PAK5: variants seen among roughly 807,000 people sequenced by gnomAD.
The protein encoded by PAK5 is serine/threonine-protein kinase PAK 5.
In PAK5, 16 loss-of-function variants were observed where a neutral mutation model predicts 65.9. The observed-to-expected ratio is 0.24, with a 90% CI of 0.16 to 0.37. PAK5 has a LOEUF of 0.37. PAK5 is among the 10% of genes least tolerant of loss of function. The pLI is 1.00. For synonymous variants in PAK5, 371 were observed against 354.9 expected (o/e 1.05, Z -0.51); for missense variants, 785 against 903.9 (o/e 0.87, Z 1.69).
chr20:9,571,885 G>T (rs1388542814), intron 4 of PAK5, among the ~76,000 whole-genome samples: 3 of 120,910 alleles, frequency 2.5e-5, no homozygotes, highest in African/African-American at 9.2e-5. Flanking sequence ...GGGGGGGGGG[G>T]ATGTGGTCTT....
chr20:9,595,098 C>CATAT (rs200491425), intron 3 of PAK5, among the ~76,000 whole-genome samples: 1 of 150,340 alleles, frequency 6.7e-6, no homozygotes, highest in African/African-American at 2.5e-5. Context: ...TACACATATA[C>CATAT]ATATATATAC....
At chr20:9,571,497 C>CG (rs1232712678) in intron 4 of PAK5, among the ~76,000 whole-genome samples, 44 of 152,322 alleles carry the variant, frequency 2.9e-4, no homozygotes, top group African/African-American at 9.4e-4. Flanking sequence ...GTTCTTCTGC[C>CG]GGGGTCAGTC....
intron 2 of PAK5, among the ~76,000 whole-genome samples, chr20:9,706,465 C>T (rs749732405): frequency 1.9e-4 from 27 of 138,560 alleles, no homozygotes; most frequent in Non-Finnish European, 2.3e-4. Context: ...ACACATTCTA[C>T]AAACTCTTTT....
At chr20:9,596,361 G>A (rs1212385047) in intron 3 of PAK5, among the ~76,000 whole-genome samples, 1 of 152,136 alleles carries the variant, frequency 6.6e-6, no homozygotes, top group Non-Finnish European at 1.5e-5. Context: ...CAGAGGCCAG[G>A]CACGGAGGCT....
At chr20:9,719,562 T>C (rs543623436) in intron 1 of PAK5, among the ~76,000 whole-genome samples, 10 of 152,270 alleles carry the variant, frequency 6.6e-5, no homozygotes, top group African/African-American at 2.2e-4. Flanking sequence ...ATTTATAATG[T>C]GTTGGCTTTT....
At chr20:9,709,278 T>C (rs2048048555) in intron 2 of PAK5, among the ~76,000 whole-genome samples, 1 of 152,288 alleles carries the variant, frequency 6.6e-6, no homozygotes, top group East Asian at 1.9e-4. Flanking sequence ...AAGGGTTAAC[T>C]TGTGCACTGG....
chr20:9,711,604 CA>C (rs954489700), intron 1 of PAK5, among the ~76,000 whole-genome samples, 169 bp from the exon 2 acceptor site: 2 of 152,080 alleles, frequency 1.3e-5, no homozygotes, highest in Non-Finnish European at 2.9e-5. Flanking sequence ...ATATTATTAC[CA>C]GGACACCTCA....
chr20:9,728,450 G>C (rs1302583024), intron 1 of PAK5, among the ~76,000 whole-genome samples: 1 of 152,134 alleles, frequency 6.6e-6, no homozygotes, highest in African/African-American at 2.4e-5. Context: ...ACTAACCCAT[G>C]CATGTGCACA....
intron 1 of PAK5, among the ~76,000 whole-genome samples, chr20:9,776,343 G>C (rs1476678623): frequency 6.6e-6 from 1 of 152,156 alleles, no homozygotes; most frequent in Non-Finnish European, 1.5e-5. Flanking sequence ...GTTTATCAAA[G>C]TGCCTGCTGT....
chr20:9,599,821 A>C (rs1436588834), intron 3 of PAK5, among the ~76,000 whole-genome samples: 1 of 152,134 alleles, frequency 6.6e-6, no homozygotes, highest in Admixed American at 6.5e-5. Flanking sequence ...CTCTCTTAAC[A>C]GTGTAATTCA....
intron 1 of PAK5, among the ~76,000 whole-genome samples, chr20:9,777,150 C>T (rs1364829107): frequency 6.6e-6 from 1 of 152,100 alleles, no homozygotes; most frequent in Non-Finnish European, 1.5e-5. Context: ...ATTGCTTGAG[C>T]TCAGGAGTTC....
At chr20:9,752,359 A>G (rs1325231164) in intron 1 of PAK5, among the ~76,000 whole-genome samples, 1 of 152,116 alleles carries the variant, frequency 6.6e-6, no homozygotes, top group African/African-American at 2.4e-5. Flanking sequence ...TCTAAGAGCA[A>G]GAGGAAAAAA....
intron 1 of PAK5, among the ~76,000 whole-genome samples, chr20:9,804,164 C>T (rs766376466): frequency 2.6e-5 from 4 of 152,094 alleles, no homozygotes; most frequent in African/African-American, 4.8e-5. Flanking sequence ...TTTTAACAAG[C>T]GCTCTAGTGA....
rs1447883767 is a variant in PAK5 at position 9,558,038 on chromosome 20, T to TCA, written c.1617-305_1617-304insTG. Reference sequence around the variant, plus strand: ...TTTATTTATTTATTTATTTATTTATTTATTTATTCATTCATTCATTCATTC... The same window carrying TCA: ...TTTATTTATTTATTTATTTATTTATTCATATTTATTCATTCATTCATTCATTC... On this transcript the variant is annotated intron_variant, in intron 6 of 9. Coordinates refer to ENST00000353224, the MANE Select transcript of PAK5 (RefSeq NM_177990.4). Among the ~76,000 whole-genome samples, 227 of 146,100 alleles carry TCA rather than the reference T, an allele frequency of 1.6e-3. 1 individual carries two copies. The highest frequency in any genetic ancestry group is 5.6e-3 in the African/African-American group (209 of 37,556).
At chr20:9,668,421 T>C (rs1048217766) in intron 2 of PAK5, among the ~76,000 whole-genome samples, 2 of 152,210 alleles carry the variant, frequency 1.3e-5, no homozygotes, top group African/African-American at 4.8e-5. Context: ...AAAAATATAA[T>C]GTTATGTTTA....
intron 3 of PAK5, among the ~76,000 whole-genome samples, chr20:9,625,563 A>T (rs986153092): frequency 1.1e-4 from 16 of 151,980 alleles, no homozygotes; most frequent in Admixed American, 1.0e-3. Context: ...TTGTCTTCAT[A>T]TTTTTTTCTT....
intron 3 of PAK5, among the ~76,000 whole-genome samples, chr20:9,641,213 C>T (rs1600184147): frequency 2.6e-5 from 4 of 151,988 alleles, no homozygotes; most frequent in Admixed American, 2.6e-4. Context: ...TCGATTGGTG[C>T]ACCCACAAAC....
intron 2 of PAK5, among the ~76,000 whole-genome samples, chr20:9,646,767 T>C (rs1310223945): frequency 1.3e-5 from 2 of 152,216 alleles, no homozygotes; most frequent in African/African-American, 4.8e-5. Flanking sequence ...GCCCTCTTGC[T>C]GTCCTTAGAA....
chr20:9,803,205 CA>C (rs1168838467), intron 1 of PAK5, among the ~76,000 whole-genome samples: 1 of 151,996 alleles, frequency 6.6e-6, no homozygotes, highest in East Asian at 1.9e-4. Context: ...AAACACTGCA[CA>C]AGAGTAGCTC....
Sources: gnomAD v4.1 joint callset for allele counts (sites outside exome capture counted in the v4.1 genomes callset) on GRCh38, gnomAD v4.1.1 for gene constraint, MANE v1.5 for transcripts, NCBI Gene and HGNC (gene_info 2026-07-23, HGNC 2026-07-21) for gene names.